The following LPIN1 variants were observed in gnomAD, a reference collection of about 807,000 sequenced individuals.
The protein encoded by LPIN1 is phosphatidate phosphatase LPIN1.
Under a neutral mutation model 107.5 loss-of-function variants are expected in LPIN1, and 71 were observed. The ratio of observed to expected loss-of-function variants is 0.66; its 90% confidence interval spans 0.55 to 0.80. The LOEUF (loss-of-function observed/expected upper bound fraction) is 0.80, where lower values mean the gene tolerates loss of function less well. Among genes scored for constraint, LPIN1 ranks in the 30% least tolerant of loss-of-function variants. The probability of loss-of-function intolerance (pLI) is 0.00; values close to 1 mark genes in which losing one functional copy is unlikely to be tolerated. For missense variants in LPIN1, 1,043 were observed against 1,160.6 expected (o/e 0.90, Z 1.47); for synonymous variants, 445 against 452.6 (o/e 0.98, Z 0.21).
chr2:11,730,574 T>C (rs544340720), intron 1 of LPIN1, among the ~76,000 whole-genome samples: 1 of 152,380 alleles, frequency 6.6e-6, no homozygotes, highest in Admixed American at 6.5e-5. Flanking sequence ...TATAATTTTC[T>C]CTTGAAAGCT....
At chr2:11,811,277 T>C (rs528007266) in intron 17 of LPIN1, among the ~76,000 whole-genome samples, 1 of 152,212 alleles carries the variant, frequency 6.6e-6, no homozygotes, top group Non-Finnish European at 1.5e-5. Flanking sequence ...CTGTGTGGCA[T>C]GTCCTGCCAC....
intron 1 of LPIN1, among the ~76,000 whole-genome samples, chr2:11,698,497 TG>T (rs1662701158): frequency 6.6e-6 from 1 of 152,222 alleles, no homozygotes; most frequent in Admixed American, 6.5e-5. Context: ...TTCATGTTCC[TG>T]GTGCTATTTC....
chr2:11,702,044 T>C lies in LPIN1; in HGVS notation c.82-11712T>C, dbSNP rs1166681804. Among the ~76,000 whole-genome samples the C allele has an allele frequency of 2.0e-5, 3 of 152,276 alleles. No individual in the cohort carries two copies. The East Asian group carries it at 5.8e-4, about 29-fold the overall frequency. On this transcript the variant is annotated intron_variant, in intron 1 of 21. Coordinates refer to the LPIN1 transcript ENST00000449576. Reference sequence around the variant, plus strand: ...TCTTAAGAGTACTAGAGATTTGTTTTAATTGGGTATGGGAAGACAGACAGG... The same window carrying C: ...TCTTAAGAGTACTAGAGATTTGTTTCAATTGGGTATGGGAAGACAGACAGG...
At chr2:11,680,292 G>A (rs1264942206) in intron 1 of LPIN1, among the ~76,000 whole-genome samples, 2 of 152,176 alleles carry the variant, frequency 1.3e-5, no homozygotes, top group Admixed American at 6.5e-5. Flanking sequence ...GTGAGCCCTC[G>A]GAGGCACCTG....
At chr2:11,759,081 C>A (rs1020506285) in intron 1 of LPIN1, among the ~76,000 whole-genome samples, 5 of 152,228 alleles carry the variant, frequency 3.3e-5, no homozygotes, top group Admixed American at 2.0e-4. Context: ...GGCTAGGATG[C>A]AGAGATGTGG....
At chr2:11,713,380 C>A (rs1369614771) in intron 1 of LPIN1, among the ~76,000 whole-genome samples, 1 of 152,204 alleles carries the variant, frequency 6.6e-6, no homozygotes, top group Non-Finnish European at 1.5e-5. Flanking sequence ...AAGTGATTCT[C>A]CTGCCTCAGC....
intron 1 of LPIN1, among the ~76,000 whole-genome samples, chr2:11,726,263 C>T (rs1048808410): frequency 1.3e-5 from 2 of 152,162 alleles, no homozygotes; most frequent in Non-Finnish European, 1.5e-5. Flanking sequence ...ATGGCTCTCC[C>T]GGACCTTCAG....
At chr2:11,719,227 T>C (rs1236387294) in intron 2 of LPIN1, among the ~76,000 whole-genome samples, 1 of 152,256 alleles carries the variant, frequency 6.6e-6, no homozygotes, top group African/African-American at 2.4e-5. Context: ...CCCCTGTTTG[T>C]TATTTTTCCT....
chr2:11,757,739 A>G (rs1021393231), intron 1 of LPIN1, among the ~76,000 whole-genome samples: 1 of 152,184 alleles, frequency 6.6e-6, no homozygotes, highest in Non-Finnish European at 1.5e-5. Flanking sequence ...TTGTTTAACC[A>G]AATAGTATCC....
At chr2:11,793,405 G>A (rs1173019069) in intron 13 of LPIN1, among the ~76,000 whole-genome samples, 2 of 152,212 alleles carry the variant, frequency 1.3e-5, no homozygotes, top group African/African-American at 4.8e-5. Context: ...TACTGCAGAT[G>A]CATTGGTCTC....
intron 2 of LPIN1, among the ~76,000 whole-genome samples, chr2:11,715,556 C>G (rs1025007808): frequency 1.3e-5 from 2 of 152,230 alleles, no homozygotes; most frequent in African/African-American, 4.8e-5. Flanking sequence ...CACATGCGTA[C>G]AGCAGGATTT....
At chr2:11,699,407 C>G (rs1662749958) in intron 1 of LPIN1, among the ~76,000 whole-genome samples, 1 of 152,128 alleles carries the variant, frequency 6.6e-6, no homozygotes, top group Non-Finnish European at 1.5e-5. Context: ...GACCGGCGCC[C>G]TGATGTCAGC....
At chr2:11,764,103 T>TATATATACACAC (rs1553422099) in intron 1 of LPIN1, 1 of 121,806 alleles carries the variant, frequency 8.2e-6, no homozygotes, top group African/African-American at 3.4e-5. Context: ...TATATATATA[T>TATATATACACAC]ACACACACAC....
intron 5 of LPIN1, among the ~76,000 whole-genome samples, chr2:11,775,766 G>T (rs572288161): frequency 6.7e-6 from 1 of 150,320 alleles, no homozygotes; most frequent in African/African-American, 2.5e-5. Flanking sequence ...GCCATTATCA[G>T]ATGTCTGAGT....
chr2:11,730,630 C>T (rs1202503261), intron 1 of LPIN1, among the ~76,000 whole-genome samples: 1 of 151,972 alleles, frequency 6.6e-6, no homozygotes, highest in Non-Finnish European at 1.5e-5. Context: ...TTTTTTCTTC[C>T]CTCTGGAAAT....
chr2:11,791,869 A>G lies in LPIN1; in HGVS notation c.1714-45A>G, dbSNP rs1283171667. The G allele has an allele frequency of 1.2e-5, 19 of 1,605,554 alleles. No homozygotes were observed. In the South Asian group the frequency reaches 2.1e-4, roughly 18 times the overall value. Reference sequence around the variant, plus strand: ...CTTTTGGTTTGAATGTGCTAAGTTGATCTTTTTTTGTTCCATTATTTATGT... The same window carrying G: ...CTTTTGGTTTGAATGTGCTAAGTTGGTCTTTTTTTGTTCCATTATTTATGT... On this transcript the variant is annotated intron_variant, in intron 12 of 20. Coordinates refer to ENST00000674199, the MANE Select transcript of LPIN1 (RefSeq NM_001349206.2).
At chr2:11,808,126 T>A (rs1229907737) in intron 17 of LPIN1, among the ~76,000 whole-genome samples, 1 of 152,192 alleles carries the variant, frequency 6.6e-6, no homozygotes, top group Non-Finnish European at 1.5e-5. Context: ...CCACAATCTG[T>A]GACCCTAGTC....
At chr2:11,740,392 C>A (rs1666217164) in intron 1 of LPIN1, among the ~76,000 whole-genome samples, 1 of 152,056 alleles carries the variant, frequency 6.6e-6, no homozygotes, top group Non-Finnish European at 1.5e-5. Flanking sequence ...CAAGTTGACA[C>A]CAAAAATTAA....
intron 7 of LPIN1, 36 bp downstream of exon 7, chr2:11,779,681 T>C: frequency 6.2e-7 from 1 of 1,612,752 alleles, no homozygotes. Context: ...GGACCGAAGA[T>C]TTCTAACTCA....
Sources: gnomAD v4.1 joint callset for allele counts (sites outside exome capture counted in the v4.1 genomes callset) on GRCh38, gnomAD v4.1.1 for gene constraint, MANE v1.5 for transcripts, NCBI Gene and HGNC (gene_info 2026-07-23, HGNC 2026-07-21) for gene names.